CADM2: variants seen among roughly 807,000 people sequenced by gnomAD.
CADM2 encodes immunoglobulin superfamily member 4D.
In CADM2, 12 loss-of-function variants were observed where a neutral mutation model predicts 49.8. The observed-to-expected ratio is 0.24, with a 90% CI of 0.15 to 0.39. The LOEUF is 0.39. Among genes scored for constraint, CADM2 ranks in the 10% least tolerant of loss-of-function variants. The probability of loss-of-function intolerance (pLI) is 1.00; values close to 1 mark genes in which losing one functional copy is unlikely to be tolerated. For synonymous variants in CADM2, 214 were observed against 175.4 expected, an observed-to-expected ratio of 1.22 and a Z score of -1.74; for missense variants, 378 against 492.3, an observed-to-expected ratio of 0.77 and a Z score of 2.20.
intron 1 of CADM2, among the ~76,000 whole-genome samples, chr3:85,530,342 T>TGAGACTGAGTCTCAC (rs2061273622): frequency 9.2e-6 from 1 of 109,144 alleles, no homozygotes; most frequent in Non-Finnish European, 2.0e-5. Context: ...TTTTTTTTTT[T>TGAGACTGAGTCTCAC]TTTTTTGAGA....
intron 1 of CADM2, among the ~76,000 whole-genome samples, chr3:85,551,085 A>T (rs1037792198): frequency 8.5e-5 from 13 of 152,078 alleles, no homozygotes; most frequent in Admixed American, 5.2e-4. Context: ...CAAGGTTCAA[A>T]CAATCTTCCC....
At chr3:85,450,166 A>G (rs2037688179) in intron 1 of CADM2, among the ~76,000 whole-genome samples, 2 of 152,178 alleles carry the variant, frequency 1.3e-5, no homozygotes. Context: ...GAACCCTTGC[A>G]TATTTGGACA....
chr3:85,519,430 A>G (rs192366293), intron 1 of CADM2, among the ~76,000 whole-genome samples: 4 of 152,264 alleles, frequency 2.6e-5, no homozygotes, highest in Admixed American at 2.0e-4. Context: ...ATATCGTTAT[A>G]GCAATCATAA....
intron 1 of CADM2, among the ~76,000 whole-genome samples, chr3:85,244,246 T>A (rs191901443): frequency 1.3e-5 from 2 of 152,056 alleles, no homozygotes; most frequent in Admixed American, 1.3e-4. Flanking sequence ...GCAAAAAAAC[T>A]CAATAACACG....
chr3:85,260,467 A>G (rs911198625), intron 1 of CADM2, among the ~76,000 whole-genome samples: 3 of 152,150 alleles, frequency 2.0e-5, no homozygotes, highest in Non-Finnish European at 2.9e-5. Context: ...GATCCTCAAC[A>G]TAACTAAACA....
intron 1 of CADM2, among the ~76,000 whole-genome samples, chr3:85,550,982 A>G (rs532662876): frequency 3.3e-5 from 5 of 151,434 alleles, no homozygotes; most frequent in Admixed American, 6.6e-5. Flanking sequence ...TTGTTTGTTT[A>G]TTTATTTATT....
chr3:85,464,596 C>T (rs987577800), intron 1 of CADM2, among the ~76,000 whole-genome samples: 1 of 152,078 alleles, frequency 6.6e-6, no homozygotes, highest in African/African-American at 2.4e-5. Flanking sequence ...CCATTTTAGG[C>T]AGATGAAAGA....
chr3:85,244,910 A>AT (rs996429640), intron 1 of CADM2, among the ~76,000 whole-genome samples: 6 of 152,254 alleles, frequency 3.9e-5, no homozygotes, highest in South Asian at 4.1e-4. Flanking sequence ...AAATTGTTTG[A>AT]TTTTTTTCCA....
At chr3:85,115,017 C>T (rs1559670802) in intron 1 of CADM2, among the ~76,000 whole-genome samples, 1 of 152,116 alleles carries the variant, frequency 6.6e-6, no homozygotes, top group East Asian at 1.9e-4. Flanking sequence ...TCTGCAAAGT[C>T]TTAATGAAGT....
chr3:85,332,961 ATTTTTAATTCTTTT>A (rs2044974212), intron 1 of CADM2, among the ~76,000 whole-genome samples: 1 of 152,012 alleles, frequency 6.6e-6, no homozygotes, highest in African/African-American at 2.4e-5. Flanking sequence ...CACATTCAAC[ATTTTTAATTCTTTT>A]TAAAATAAGT....
chr3:85,543,615 G>A (rs2061601150), intron 1 of CADM2, among the ~76,000 whole-genome samples: 1 of 152,020 alleles, frequency 6.6e-6, no homozygotes, highest in South Asian at 2.1e-4. Context: ...ATTTTGTGCT[G>A]CTATAGCAAA....
chr3:85,240,609 G>A (rs746683311), intron 1 of CADM2, among the ~76,000 whole-genome samples: 5 of 151,318 alleles, frequency 3.3e-5, no homozygotes, highest in African/African-American at 4.8e-5. Context: ...ATATCAATGG[G>A]GCAAGGTATC....
At chr3:85,599,597 T>G (rs2063338294) in intron 1 of CADM2, among the ~76,000 whole-genome samples, 1 of 151,996 alleles carries the variant, frequency 6.6e-6, no homozygotes, top group Non-Finnish European at 1.5e-5. Flanking sequence ...TGGCAAAGCT[T>G]GTGAGGCATT....
chr3:85,152,396 C>G (rs1170182234), intron 1 of CADM2, among the ~76,000 whole-genome samples: 1 of 152,166 alleles, frequency 6.6e-6, no homozygotes, highest in East Asian at 1.9e-4. Context: ...TCATCCTACT[C>G]TCTTATCCTG....
At chr3:85,157,846 T>A (rs530064272) in intron 1 of CADM2, among the ~76,000 whole-genome samples, 1 of 152,266 alleles carries the variant, frequency 6.6e-6, no homozygotes, top group Admixed American at 6.5e-5. Flanking sequence ...AAATGGGATC[T>A]AATTAAACTA....
At chr3:86,003,594 C>CA (rs1387404553) in intron 8 of CADM2, among the ~76,000 whole-genome samples, 21 of 152,120 alleles carry the variant, frequency 1.4e-4, no homozygotes, top group Non-Finnish European at 2.5e-4. Context: ...GGAATAATCT[C>CA]AAAAAACTTA....
chr3:86,022,281 A>G (rs1733294050), intron 8 of CADM2, among the ~76,000 whole-genome samples: 2 of 152,142 alleles, frequency 1.3e-5, no homozygotes, highest in South Asian at 4.1e-4. Flanking sequence ...AATGTAACCT[A>G]GGTGATTCAA....
intron 8 of CADM2, among the ~76,000 whole-genome samples, chr3:86,043,182 C>A (rs1378264408): frequency 6.6e-6 from 1 of 152,134 alleles, no homozygotes; most frequent in African/African-American, 2.4e-5. Context: ...GACAGGGATG[C>A]CTTCTCTCAC....
chr3:85,704,503 C>A (rs2066876703), intron 1 of CADM2, among the ~76,000 whole-genome samples: 1 of 152,104 alleles, frequency 6.6e-6, no homozygotes, highest in Non-Finnish European at 1.5e-5. Context: ...CCACTTTTCT[C>A]TCTGTATCAT....
Sources: gnomAD v4.1 joint callset for allele counts (sites outside exome capture counted in the v4.1 genomes callset) on GRCh38, gnomAD v4.1.1 for gene constraint, MANE v1.5 for transcripts, NCBI Gene and HGNC (gene_info 2026-07-23, HGNC 2026-07-21) for gene names.